ITGA1: variants seen among roughly 807,000 people sequenced by gnomAD.
The protein encoded by ITGA1 is integrin subunit alpha 1.
ITGA1 carries 85 observed loss-of-function variants against 145.9 expected under a neutral mutation model. The ratio of observed to expected loss-of-function variants is 0.58; its 90% CI spans 0.49 to 0.70. The LOEUF (loss-of-function observed/expected upper bound fraction) is 0.70. Among genes scored for constraint, ITGA1 ranks in the 30% least tolerant of loss-of-function variants. The pLI is 0.00. For synonymous variants in ITGA1, 520 were observed against 495.3 expected, an observed-to-expected ratio of 1.05 and a Z score of -0.66; for missense variants, 1,351 against 1,418.7, an observed-to-expected ratio of 0.95 and a Z score of 0.77.
intron 8 of ITGA1, among the ~76,000 whole-genome samples, chr5:52,891,555 TAAAAA>T (rs56185635): frequency 1.7e-5 from 2 of 118,880 alleles, no homozygotes; most frequent in African/African-American, 6.9e-5. Flanking sequence ...TCATGAACAC[TAAAAA>T]AAAAAAAAAA....
chr5:52,933,042 C>T (rs147079476), intron 22 of ITGA1: 9 of 151,930 alleles, frequency 5.9e-5, no homozygotes, highest in African/African-American at 1.4e-4. Context: ...ATTTATAAGG[C>T]GCTTGGAGAC....
intron 2 of ITGA1, among the ~76,000 whole-genome samples, chr5:52,861,158 CACACACATATACATGTATAT>C (rs1283911574): frequency 1.3e-5 from 2 of 152,054 alleles, no homozygotes; most frequent in Non-Finnish European, 2.9e-5. Context: ...CCTACATATA[CACACACATATACATGTATAT>C]ACACACATAT....
chr5:52,910,905 CGGTATGTATACTATATATAGTATATAT>C (rs1750500421), intron 14 of ITGA1, among the ~76,000 whole-genome samples: 3 of 131,692 alleles, frequency 2.3e-5, no homozygotes, highest in Admixed American at 1.6e-4. Flanking sequence ...ATAGTATATA[CGGTATGTATACTATATATAGTATATAT>C]GGTATGTATA....
intron 6 of ITGA1, among the ~76,000 whole-genome samples, chr5:52,876,116 G>C (rs1446769871): frequency 6.6e-6 from 1 of 152,054 alleles, no homozygotes; most frequent in Non-Finnish European, 1.5e-5. Context: ...CTCTCCTCTT[G>C]CTTCCTCACG....
chr5:52,826,600 A>G (rs1181787859), intron 1 of ITGA1, among the ~76,000 whole-genome samples: 2 of 152,256 alleles, frequency 1.3e-5, no homozygotes, highest in Non-Finnish European at 2.9e-5. Context: ...TTCAAAGGAC[A>G]GGCTAACTCT....
At chr5:52,890,308 G>A (rs13172757) in intron 8 of ITGA1, among the ~76,000 whole-genome samples, 71,486 of 152,010 alleles carry the variant, frequency 0.47, 17,220 homozygotes, top group East Asian at 0.58. Context: ...TTTAAAAAGA[G>A]TGTAATGCTG....
intron 24 of ITGA1, among the ~76,000 whole-genome samples, chr5:52,938,732 TAAC>T (rs1751008601): frequency 6.6e-6 from 1 of 152,142 alleles, no homozygotes; most frequent in Admixed American, 6.6e-5. Flanking sequence ...CATAATATAT[TAAC>T]ATCTATAGGG....
At position 52,949,871 on chromosome 5, in the gene ITGA1, A is replaced by C. The variant is rs185479320; in HGVS notation, c.3495+2410A>C. Among the ~76,000 whole-genome samples the C allele has an allele frequency of 6.0e-4, 90 of 151,064 alleles. 1 individual carries two copies. The highest frequency in any genetic ancestry group is 2.7e-3 in the East Asian group (14 of 5,126). On this transcript the variant is annotated intron_variant, in intron 28 of 28. Transcript: ENST00000282588. The stretch of plus-strand genomic sequence containing the variant: ...TATCCCAGACATCTTTTTTATTCTA[A>C]CTAGATCTGGATCAGACACCTCAGG...
intron 3 of ITGA1, among the ~76,000 whole-genome samples, chr5:52,863,040 G>T (rs1379237630): frequency 1.3e-5 from 2 of 151,928 alleles, no homozygotes; most frequent in African/African-American, 4.8e-5. Flanking sequence ...TTCCTGTCTT[G>T]TCTTGTAATT....
In ITGA1 at chr5:52,856,061, C is replaced by T. The variant is rs556417751; in HGVS notation, c.183-5386C>T. ...GTATCAGGTCAGTTTCCAATTATCA[C>T]CATATCCTAAGTGCTTTCTCTTGCC... is the stretch of plus-strand genomic sequence containing the variant. On this transcript the variant is annotated intron_variant, in intron 2 of 28. Coordinates refer to ENST00000282588, the MANE Select transcript of ITGA1 (RefSeq NM_181501.2). 9.2e-5 allele frequency among the ~76,000 whole-genome samples: 14 copies of T among 152,262 alleles called. No homozygotes were observed. In the South Asian group the frequency reaches 2.9e-3, roughly 32 times the overall value.
chr5:52,864,884 C>T, intron 4 of ITGA1, 33 bp downstream of exon 4: 1 of 1,545,260 alleles, frequency 6.5e-7, no homozygotes, highest in Non-Finnish European at 8.9e-7. Context: ...TTATTGACAA[C>T]AGATATGCTA....
chr5:52,803,433 C>T (rs1580032316), intron 1 of ITGA1: 1 of 152,146 alleles, frequency 6.6e-6, no homozygotes, highest in East Asian at 1.9e-4. Flanking sequence ...ATTATATTTT[C>T]AGTAAGGATT....
chr5:52,911,675 T>A (rs1489377468), intron 14 of ITGA1, among the ~76,000 whole-genome samples: 1 of 134,458 alleles, frequency 7.4e-6, no homozygotes, highest in African/African-American at 2.7e-5. Flanking sequence ...ATATAGTGTA[T>A]CTACTATATA....
At chr5:52,848,406 C>T (rs1166400499) in intron 1 of ITGA1, among the ~76,000 whole-genome samples, 2 of 152,188 alleles carry the variant, frequency 1.3e-5, no homozygotes, top group African/African-American at 4.8e-5. Context: ...GGAAAACTAT[C>T]TGCAACTGTA....
At chr5:52,939,749 TCAA>T in intron 25 of ITGA1, 58 bp downstream of exon 25, 1 of 1,466,900 alleles carries the variant, frequency 6.8e-7, no homozygotes, top group Non-Finnish European at 9.5e-7. Flanking sequence ...AAAATTGATA[TCAA>T]TCTAGAAATA....
At chr5:52,829,571 G>T (rs1749024236) in intron 1 of ITGA1, among the ~76,000 whole-genome samples, 1 of 151,888 alleles carries the variant, frequency 6.6e-6, no homozygotes, top group African/African-American at 2.4e-5. Flanking sequence ...AGATGGAAAA[G>T]GGGACTTATA....
chr5:52,838,958 A>G (rs1449713594), intron 1 of ITGA1, among the ~76,000 whole-genome samples: 2 of 152,112 alleles, frequency 1.3e-5, no homozygotes, highest in South Asian at 2.1e-4. Context: ...TTAACCAGGC[A>G]TGGTGGCATG....
intron 1 of ITGA1, among the ~76,000 whole-genome samples, chr5:52,809,472 T>A (rs7719925): frequency 2.0e-5 from 3 of 150,624 alleles, no homozygotes; most frequent in Non-Finnish European, 2.9e-5. Context: ...GGACCTGAGA[T>A]TATTCCTCTT....
chr5:52,853,936 A>C (rs1008732342), intron 2 of ITGA1, among the ~76,000 whole-genome samples: 1 of 152,216 alleles, frequency 6.6e-6, no homozygotes, highest in Non-Finnish European at 1.5e-5. Flanking sequence ...CAGCATGGCC[A>C]GGTCTCAGCC....
Sources: gnomAD v4.1 joint callset for allele counts (sites outside exome capture counted in the v4.1 genomes callset) on GRCh38, gnomAD v4.1.1 for gene constraint, MANE v1.5 for transcripts, NCBI Gene and HGNC (gene_info 2026-07-23, HGNC 2026-07-21) for gene names.